The following GALNT17 variants were observed in gnomAD, a reference collection of about 807,000 sequenced individuals.
The protein encoded by GALNT17 is UDP-GalNAc:polypeptide N-acetylgalactosaminyltransferase-like 3.
In GALNT17, 29 loss-of-function variants were observed where a neutral mutation model predicts 63.7. That is an observed-to-expected ratio of 0.46 (90% CI 0.34 to 0.62). The LOEUF is 0.62. Ranked by LOEUF, GALNT17 falls within the 20% of genes least tolerant of loss-of-function variation. The pLI is 0.01. For synonymous variants in GALNT17, 305 were observed against 318.3 expected (o/e 0.96, Z 0.45); for missense variants, 603 against 799.6 (o/e 0.75, Z 2.97).
intron 9 of GALNT17, among the ~76,000 whole-genome samples, chr7:71,684,516 C>G (rs995002047): frequency 6.6e-6 from 1 of 152,074 alleles, no homozygotes; most frequent in South Asian, 2.1e-4. Context: ...CAGCCCCTGC[C>G]TAGGGACAGC....
intron 1 of GALNT17, among the ~76,000 whole-genome samples, chr7:71,165,346 A>G (rs1182553121): frequency 2.6e-5 from 4 of 152,220 alleles, no homozygotes; most frequent in Non-Finnish European, 1.5e-5. Context: ...CGATAAAGTC[A>G]TACCTGGGAC....
chr7:71,561,833 C>T (rs1440810073), intron 5 of GALNT17, among the ~76,000 whole-genome samples: 2 of 152,050 alleles, frequency 1.3e-5, no homozygotes, highest in East Asian at 3.9e-4. Flanking sequence ...GGGAGAATGT[C>T]ACCAAACAGG....
chr7:71,419,085 G>GA (rs1375259276), intron 4 of GALNT17, among the ~76,000 whole-genome samples: 12 of 150,724 alleles, frequency 8.0e-5, no homozygotes, highest in Non-Finnish European at 1.6e-4. Flanking sequence ...GTCTCAAAAA[G>GA]AAAAAAAAAG....
rs1214195779 is a variant in GALNT17, at chr7:71,693,303, C to CATATATATAT, written c.1500+15998_1500+15999insTATATATATA. On this transcript the variant is annotated intron_variant, in intron 9 of 10. Coordinates refer to ENST00000333538, the MANE Select transcript of GALNT17 (RefSeq NM_022479.3). ...ACACACACACACACACACACACACA[C>CATATATATAT]ACACACATATATATATATGGAGACA... Among the ~76,000 whole-genome samples, 3 of 121,970 alleles carry CATATATATAT rather than the reference C, an allele frequency of 2.5e-5. 1 individual carries two copies. Among genetic ancestry groups the CATATATATAT allele is most frequent in the African/African-American group, 9.4e-5 (3 of 32,042 alleles). 80.0% of individuals were successfully genotyped at this position (121,970 alleles called of 152,430 possible). A position where few individuals can be genotyped will look rare whatever the true frequency, so the allele number is the denominator to read the frequency against.
intron 6 of GALNT17, among the ~76,000 whole-genome samples, chr7:71,644,523 A>G (rs1414598190): frequency 1.7e-5 from 2 of 118,116 alleles, no homozygotes; most frequent in Non-Finnish European, 3.4e-5. Context: ...GCGAGACTCC[A>G]TCTCAAAAAA....
Position 71,674,162 on chromosome 7 carries a change from A to G in GALNT17, c.1405-3049A>G, listed in dbSNP as rs561423976. On this transcript the variant is annotated intron_variant, in intron 8 of 10. Coordinates refer to ENST00000333538, the MANE Select transcript of GALNT17 (RefSeq NM_022479.3). The stretch of plus-strand genomic sequence containing the variant: ...TATCGGAAATATAAAGATGAAAACT[A>G]AACTTACTCCAAATCCCAATTCCCA... Among the ~76,000 whole-genome samples, 98 of 152,330 alleles carry G rather than the reference A, an allele frequency of 6.4e-4. 1 individual carries two copies. The highest frequency in any genetic ancestry group is 2.3e-3 in the African/African-American group (95 of 41,580).
chr7:71,195,950 TC>T (rs951218618), intron 1 of GALNT17, among the ~76,000 whole-genome samples: 1 of 151,982 alleles, frequency 6.6e-6, no homozygotes, highest in Non-Finnish European at 1.5e-5. Flanking sequence ...GCATACTAAC[TC>T]CCTAATGAGC....
intron 1 of GALNT17, among the ~76,000 whole-genome samples, chr7:71,156,760 A>C (rs1434292638): frequency 7.0e-6 from 1 of 143,592 alleles, no homozygotes; most frequent in Non-Finnish European, 1.5e-5. Context: ...GCCCAGGCTC[A>C]CTGCCCAGGA....
intron 1 of GALNT17, among the ~76,000 whole-genome samples, chr7:71,251,737 A>C (rs1260513492): frequency 1.3e-5 from 2 of 152,176 alleles, no homozygotes; most frequent in African/African-American, 4.8e-5. Flanking sequence ...TTTTGGACCT[A>C]TATCGGATTG....
chr7:71,638,767 C>T (rs1241793271), intron 6 of GALNT17, among the ~76,000 whole-genome samples: 1 of 152,106 alleles, frequency 6.6e-6, no homozygotes, highest in Non-Finnish European at 1.5e-5. Flanking sequence ...CTGCATACTG[C>T]GATCCATGAC....
chr7:71,238,885 G>A (rs1048689302), intron 1 of GALNT17, among the ~76,000 whole-genome samples: 1 of 152,184 alleles, frequency 6.6e-6, no homozygotes, highest in South Asian at 2.1e-4. Context: ...TTCTATCTTA[G>A]GGTGTGCCCT....
At chr7:71,576,344 GATTT>G (rs1789536735) in intron 6 of GALNT17, among the ~76,000 whole-genome samples, 1 of 152,180 alleles carries the variant, frequency 6.6e-6, no homozygotes, top group Non-Finnish European at 1.5e-5. Flanking sequence ...TTGTGAGAAT[GATTT>G]ATTTATTTTG....
At chr7:71,702,180 A>G (rs1184334847) in intron 9 of GALNT17, among the ~76,000 whole-genome samples, 1 of 151,952 alleles carries the variant, frequency 6.6e-6, no homozygotes, top group Non-Finnish European at 1.5e-5. Context: ...ACTGGGTACT[A>G]TGTTTACTAT....
intron 1 of GALNT17, among the ~76,000 whole-genome samples, chr7:71,181,754 A>G (rs1344925281): frequency 3.3e-5 from 5 of 152,134 alleles, no homozygotes; most frequent in Non-Finnish European, 5.9e-5. Context: ...GCACACACCT[A>G]TAGTCCCAGC....
intron 5 of GALNT17, among the ~76,000 whole-genome samples, chr7:71,500,010 A>G (rs907278039): frequency 2.0e-5 from 3 of 152,114 alleles, no homozygotes; most frequent in African/African-American, 7.2e-5. Context: ...TTCTCCTTCT[A>G]CCATCATTGT....
chr7:71,339,924 G>GA (rs769136145), intron 2 of GALNT17, among the ~76,000 whole-genome samples: 1 of 151,794 alleles, frequency 6.6e-6, no homozygotes, highest in African/African-American at 2.4e-5. Context: ...AACTTACAAG[G>GA]AAAAAAAACC....
chr7:71,149,751 G>A (rs990636600), intron 1 of GALNT17, among the ~76,000 whole-genome samples: 1 of 152,194 alleles, frequency 6.6e-6, no homozygotes, highest in African/African-American at 2.4e-5. Flanking sequence ...ACAAGTGCAC[G>A]TTGTCAATTT....
intron 3 of GALNT17, among the ~76,000 whole-genome samples, chr7:71,409,084 GT>G (rs571160540): frequency 2.5e-4 from 38 of 149,164 alleles, no homozygotes; most frequent in Non-Finnish European, 4.3e-4. Flanking sequence ...AAAGATTCCA[GT>G]TTTGGAAATG....
At chr7:71,430,073 C>T (rs146625656) in intron 5 of GALNT17, among the ~76,000 whole-genome samples, 111 of 152,124 alleles carry the variant, frequency 7.3e-4, no homozygotes, top group African/African-American at 2.7e-3. Flanking sequence ...TCTTGATCTC[C>T]TGGCCTCAAG....
Sources: allele counts gnomAD v4.1 joint callset (sites outside exome capture counted in the v4.1 genomes callset), GRCh38; gene constraint gnomAD v4.1.1; transcripts MANE v1.5; gene names NCBI Gene and HGNC (gene_info 2026-07-23, HGNC 2026-07-21).